Variants in SNRPN observed in about 807,000 individuals in gnomAD.
SNRPN encodes small nuclear ribonucleoprotein polypeptide N, also known as small nuclear ribonucleoprotein-associated protein N.
In SNRPN, 7 loss-of-function variants were observed where a neutral mutation model predicts 25.2. That is an observed-to-expected ratio of 0.28 (90% CI 0.16 to 0.52). The LOEUF (loss-of-function observed/expected upper bound fraction) is 0.52. Ranked by LOEUF, SNRPN falls within the 20% of genes least tolerant of loss-of-function variation. SNRPN has a pLI of 0.96. For synonymous variants in SNRPN, 124 were observed against 110.6 expected, an observed-to-expected ratio of 1.12 and a Z score of -0.76; for missense variants, 196 against 322.5, an observed-to-expected ratio of 0.61 and a Z score of 3.00.
At chr15:24,851,640 A>G (rs1263367293), upstream of SNRPN, 3 of 152,350 alleles carry the variant, frequency 2.0e-5, no homozygotes, top group African/African-American at 7.2e-5. Flanking sequence ...CAGCCCACTA[A>G]GGAATGCATT....
intron 2 of SNRPN, among the ~76,000 whole-genome samples, chr15:24,846,798 A>G (rs767922060): frequency 2.0e-5 from 3 of 152,196 alleles, no homozygotes; most frequent in Non-Finnish European, 4.4e-5. Context: ...TCAATAAGTT[A>G]GGATTTTTAT....
At chr15:24,870,899 G>T (rs1230155250) in intron 1 of SNRPN, among the ~76,000 whole-genome samples, 1 of 144,880 alleles carries the variant, frequency 6.9e-6, no homozygotes, top group African/African-American at 2.6e-5. Flanking sequence ...TTTGTTTTTT[G>T]AGATAGAGTC....
Position 24,976,300 on chromosome 15 carries a change from T to C in SNRPN, c.156-5T>C, listed in dbSNP as rs1203775739. 2 of 1,612,096 alleles carry C rather than the reference T, an allele frequency of 1.2e-6. No individual in the cohort carries two copies. The highest frequency in any genetic ancestry group is 1.7e-6 in the Non-Finnish European group (2 of 1,178,462). ...ATCTCACTAAAATTTAATTCTGATT[T>C]GTAGGCCAAAGAATGCGAAGCAACC... On this transcript the variant is annotated splice_region_variant and splice_polypyrimidine_tract_variant and intron_variant, in intron 5 of 9. Coordinates refer to ENST00000390687, the MANE Select transcript of SNRPN (RefSeq NM_003097.6).
rs72695316 is a variant in SNRPN at position 24,972,514 on chromosome 15, T to C, written c.-143-1797T>C. On this transcript the variant is annotated intron_variant, in intron 3 of 9. Coordinates refer to ENST00000390687, the MANE Select transcript of SNRPN (RefSeq NM_003097.6). ...GTACAGACATCAGATTCATGGCCAC[T>C]GAATGACAGCCAGGCATTAGAGTAT... 4.0e-3 allele frequency among the ~76,000 whole-genome samples: 600 copies of C among 151,500 alleles called. 2 individuals are homozygous for C. Among genetic ancestry groups the C allele is most frequent in the Non-Finnish European group, 7.1e-3 (483 of 67,910 alleles).
rs2060655269 is a variant in SNRPN at position 24,929,507 on chromosome 15, TGCAG to T, written c.-391+9387_-391+9390del. On this transcript the variant is annotated intron_variant, in intron 3 of 11. Transcript: ENST00000400097. The surrounding 1 kb of genome is among the most constrained non-coding windows in gnomAD (Gnocchi z 5.3). ...CAGGTCTAGGAAGATGGGGAATACTTGCAGGCACCTGGGAAGCTCAGGGAAGCTG... is the reference window on the plus strand; with the variant it reads ...CAGGTCTAGGAAGATGGGGAATACTTGCACCTGGGAAGCTCAGGGAAGCTG... 6.6e-6 allele frequency among the ~76,000 whole-genome samples: 1 copy of T among 152,136 alleles called. No homozygotes were observed. The highest frequency in any genetic ancestry group is 1.5e-5 in the Non-Finnish European group (1 of 68,034).
At chr15:24,967,264 G>A (rs1375418256) in intron 2 of SNRPN, 2 of 152,512 alleles carry the variant, frequency 1.3e-5, no homozygotes, top group East Asian at 1.9e-4. Flanking sequence ...GTATCCACTA[G>A]TCCCTTGTAC....
chr15:24,860,480 T>C (rs972695654), intron 1 of SNRPN, among the ~76,000 whole-genome samples: 3 of 152,156 alleles, frequency 2.0e-5, no homozygotes. Context: ...AATACAAAGC[T>C]CCATTTAAAT....
At chr15:24,895,671 T>A (rs371293886) in intron 2 of SNRPN, among the ~76,000 whole-genome samples, 2 of 152,192 alleles carry the variant, frequency 1.3e-5, no homozygotes, top group African/African-American at 4.8e-5. Flanking sequence ...CACCTCAGTA[T>A]GAAAACGTTC....
intron 1 of SNRPN, among the ~76,000 whole-genome samples, chr15:24,826,817 G>T (rs1468028558): frequency 6.6e-6 from 1 of 151,992 alleles, no homozygotes; most frequent in East Asian, 1.9e-4. Context: ...GTCACGCATT[G>T]ACTAATGGCA....
intron 1 of SNRPN, among the ~76,000 whole-genome samples, chr15:24,865,481 A>C (rs1248062634): frequency 1.3e-5 from 2 of 152,154 alleles, no homozygotes; most frequent in Non-Finnish European, 2.9e-5. Flanking sequence ...TTATCAGGAG[A>C]AAGTTACTGA....
upstream of SNRPN, chr15:24,851,948 G>A (rs1472932856): frequency 1.3e-5 from 2 of 152,152 alleles, no homozygotes; most frequent in East Asian, 3.9e-4. Flanking sequence ...ATGATGACAT[G>A]TATTGTAACT....
At chr15:24,946,853 C>G (rs1298757589) in intron 3 of SNRPN, among the ~76,000 whole-genome samples, 1 of 152,030 alleles carries the variant, frequency 6.6e-6, no homozygotes, top group Non-Finnish European at 1.5e-5. Context: ...TTTAAATGAA[C>G]TAATGTTAAA....
chr15:24,921,785 G>A (rs1388718367), intron 3 of SNRPN, among the ~76,000 whole-genome samples: 2 of 152,114 alleles, frequency 1.3e-5, no homozygotes, highest in Admixed American at 6.6e-5. Flanking sequence ...GTATTGTTGC[G>A]AATTAAATAC....
In SNRPN at chr15:24,967,922, C is replaced by T. The variant is rs745706896; in HGVS notation, c.-294-10C>T. On this transcript the variant is annotated splice_polypyrimidine_tract_variant and intron_variant, in intron 2 of 9. Transcript: ENST00000390687. ...TTTTATCATTTATATATATTGTGCT[C>T]TTGTTGTAGGTGTCAGTTGTACCCG... The T allele has an allele frequency of 6.2e-7, 1 of 1,608,240 alleles. No homozygotes were observed. Among genetic ancestry groups the T allele is most frequent in the Admixed American group, 1.7e-5 (1 of 59,794 alleles).
At chr15:24,960,811 A>G (rs937834120) in intron 1 of SNRPN, among the ~76,000 whole-genome samples, 1 of 152,204 alleles carries the variant, frequency 6.6e-6, no homozygotes, top group Non-Finnish European at 1.5e-5. Context: ...TGTGAGTGAC[A>G]TACAAAAGCT....
At chr15:24,843,270 T>C (rs1430627160) in intron 2 of SNRPN, among the ~76,000 whole-genome samples, 1 of 152,144 alleles carries the variant, frequency 6.6e-6, no homozygotes. Flanking sequence ...TGTTGAGGTA[T>C]TATATGGTTA....
chr15:24,976,929 G>C lies in SNRPN; in HGVS notation c.320G>C (p.Gly107Ala). ...LAGAAGGPGV[G>A]RAAGRGVPAG... The stretch of plus-strand genomic sequence containing the variant: ...GGAGCTGCTGGAGGCCCTGGGGTTG[G>C]TAGGGCAGCTGGTAGAGGAGTACCA... The change falls in exon 7 of 10, where the codon GGT becomes GCT. Residue 107 changes from glycine (G) to alanine (A), a missense_variant. By Grantham distance (60) the Gly-to-Ala change is moderately conservative (BLOSUM62 0). Coordinates refer to ENST00000390687, the MANE Select transcript of SNRPN (RefSeq NM_003097.6). 1 of 1,608,712 alleles carries C rather than the reference G, an allele frequency of 6.2e-7. No homozygotes were observed. Among genetic ancestry groups the C allele is most frequent in the Non-Finnish European group, 8.5e-7 (1 of 1,178,364 alleles).
Position 24,837,406 on chromosome 15 carries a change from A to C in SNRPN, c.-579+7501A>C, listed in dbSNP as rs546709671. Among the ~76,000 whole-genome samples the C allele has an allele frequency of 6.0e-3, 889 of 148,720 alleles. 6 individuals are homozygous for C. Among genetic ancestry groups the C allele is most frequent in the Non-Finnish European group, 7.4e-3 (499 of 67,654 alleles). On this transcript the variant is annotated intron_variant, in intron 2 of 12. Transcript: ENST00000400100. The stretch of plus-strand genomic sequence containing the variant: ...TTTTTGAGGTGGAGTCTCACTGTGT[A>C]GCCCAGGCTGGAGTGCAGTGGCTGC...
chr15:24,978,582 G>T lies in SNRPN; in HGVS notation c.*138G>T. ...TAAATGCATAGAGCAATTAAACTGT[G>T]AGGTACTGTTGTATATATTTTTTTG... On this transcript the variant is annotated 3_prime_UTR_variant, in exon 10 of 10. Transcript: ENST00000390687. 1 of 822,256 alleles carries T rather than the reference G, an allele frequency of 1.2e-6. No individual in the cohort carries two copies. The highest frequency in any genetic ancestry group is 2.0e-6 in the Non-Finnish European group (1 of 488,264). 50.9% of individuals were successfully genotyped at this position (822,256 alleles called of 1,614,324 possible). A position where few individuals can be genotyped will look rare whatever the true frequency, so the allele number is the denominator to read the frequency against.
Sources: allele counts gnomAD v4.1 joint callset (sites outside exome capture counted in the v4.1 genomes callset), GRCh38; gene constraint gnomAD v4.1.1; non-coding constraint Gnocchi (gnomAD v3.1); transcripts MANE v1.5; gene names NCBI Gene and HGNC (gene_info 2026-07-23, HGNC 2026-07-21).